Variants in GLRA2 observed in about 807,000 individuals in gnomAD.
The protein encoded by GLRA2 is glycine receptor subunit alpha-2.
Under a neutral mutation model 31.6 loss-of-function variants are expected in GLRA2, and 11 were observed. The observed-to-expected ratio is 0.35, with a 90% CI of 0.22 to 0.58. The LOEUF is 0.58. Ranked by LOEUF, GLRA2 falls within the 20% of genes least tolerant of loss-of-function variation. The pLI, the probability that GLRA2 is intolerant of heterozygous loss-of-function variation, is 0.84. For missense variants in GLRA2, 212 were observed against 351.8 expected (o/e 0.60, Z 3.18); for synonymous variants, 132 against 134.0 (o/e 0.99, Z 0.10).
At chrX:14,581,085 C>T (rs778446436) in intron 3 of GLRA2, 98 bp from the exon 4 acceptor site, 5 of 567,001 alleles carry the variant, frequency 8.8e-6, no homozygotes, top group Non-Finnish European at 1.5e-5. Flanking sequence ...ACTCGGACAC[C>T]AAAGCTGTAT....
chrX:14,544,190 A>G (rs936415252), intron 2 of GLRA2, among the ~76,000 whole-genome samples: 4 of 112,015 alleles, frequency 3.6e-5, no homozygotes, highest in Non-Finnish European at 5.7e-5. Flanking sequence ...TACATGAATA[A>G]ATAAACAAAC....
At chrX:14,466,450 C>G in the GLRA2 span, among the ~76,000 whole-genome samples, 970 of 111,745 alleles carry the variant, frequency 8.7e-3, 12 homozygotes, top group African/African-American at 0.03. Flanking sequence ...AAATTGGCCT[C>G]TGGAGACACC....
intron 7 of GLRA2, among the ~76,000 whole-genome samples, chrX:14,628,154 G>A (rs2090608420): frequency 9.0e-6 from 1 of 111,126 alleles, no homozygotes; most frequent in African/African-American, 3.3e-5. Context: ...GTTGGGCCAG[G>A]CATAATGGGG....
chrX:14,481,293 G>T, the GLRA2 span, among the ~76,000 whole-genome samples: 1 of 111,323 alleles, frequency 9.0e-6, no homozygotes, highest in East Asian at 2.8e-4. Flanking sequence ...TTCATCTACT[G>T]GTCTAATTAA....
chrX:14,619,221 A>G (rs1013042293), intron 7 of GLRA2, among the ~76,000 whole-genome samples: 105 of 110,426 alleles, frequency 9.5e-4, no homozygotes, highest in African/African-American at 3.3e-3. Context: ...TGCCTTCTAT[A>G]TTGTATTTTC....
intron 4 of GLRA2, among the ~76,000 whole-genome samples, chrX:14,586,471 T>C (rs1018775901): frequency 8.0e-5 from 9 of 112,398 alleles, no homozygotes; most frequent in Non-Finnish European, 1.5e-4. Flanking sequence ...AGTATACATT[T>C]TGATTTGTAA....
chrX:14,630,236 T>C (rs1001037920), intron 7 of GLRA2, among the ~76,000 whole-genome samples: 1 of 112,018 alleles, frequency 8.9e-6, no homozygotes, highest in Admixed American at 9.5e-5. Context: ...ATGGACCTTT[T>C]TTCCCCCTAA....
the GLRA2 span, among the ~76,000 whole-genome samples, chrX:14,470,259 A>G: frequency 8.9e-6 from 1 of 112,032 alleles, no homozygotes; most frequent in African/African-American, 3.2e-5. Flanking sequence ...TGAAATAGTA[A>G]TAGATGCAAG....
chrX:14,489,684 A>G, the GLRA2 span, among the ~76,000 whole-genome samples: 1 of 111,572 alleles, frequency 9.0e-6, no homozygotes, highest in Non-Finnish European at 1.9e-5. Context: ...TCTGCCAAGG[A>G]GCCCTTACCA....
intron 2 of GLRA2, among the ~76,000 whole-genome samples, chrX:14,557,235 C>T (rs2089660182): frequency 9.5e-6 from 1 of 104,737 alleles, no homozygotes; most frequent in Non-Finnish European, 1.9e-5. Context: ...CCTGCCTCAG[C>T]CTCCCGAGTA....
the GLRA2 span, among the ~76,000 whole-genome samples, chrX:14,462,865 C>A: frequency 1.8e-5 from 2 of 111,772 alleles, no homozygotes; most frequent in African/African-American, 6.5e-5. Flanking sequence ...CAAAGTCATT[C>A]TCTGTCCAGT....
intron 7 of GLRA2, among the ~76,000 whole-genome samples, chrX:14,664,477 C>T (rs1022394482): frequency 6.3e-5 from 7 of 111,470 alleles, no homozygotes; most frequent in South Asian, 3.7e-4. Context: ...CAGAAAATAC[C>T]GGTTAGATTT....
At chrX:14,698,656 C>T (rs1407697731) in intron 8 of GLRA2, among the ~76,000 whole-genome samples, 4 of 76,504 alleles carry the variant, frequency 5.2e-5, no homozygotes, top group Admixed American at 4.1e-4. Flanking sequence ...CCAGCCTGGG[C>T]GACAGAGTGA....
At chrX:14,680,498 A>G (rs758779359) in intron 7 of GLRA2, among the ~76,000 whole-genome samples, 11 of 112,370 alleles carry the variant, frequency 9.8e-5, no homozygotes, top group African/African-American at 3.6e-4. Flanking sequence ...AAGCCCAAGA[A>G]TCATAAAAAT....
At chrX:14,528,556 A>G (rs1348866525), upstream of GLRA2, among the ~76,000 whole-genome samples, 2 of 111,529 alleles carry the variant, frequency 1.8e-5, no homozygotes, top group African/African-American at 6.5e-5. Context: ...CCTCTTTTTT[A>G]TTAATAATAA....
chrX:14,550,123 C>T (rs2147024714), intron 2 of GLRA2, among the ~76,000 whole-genome samples: 1 of 110,251 alleles, frequency 9.1e-6, no homozygotes, highest in South Asian at 4.0e-4. Flanking sequence ...GATACAAAAG[C>T]CCATACTGAG....
At chrX:14,570,181 G>A (rs2089864445) in intron 2 of GLRA2, among the ~76,000 whole-genome samples, 1 of 111,726 alleles carries the variant, frequency 9.0e-6, no homozygotes, top group Non-Finnish European at 1.9e-5. Flanking sequence ...GGTAATGGTT[G>A]CACAATATTG....
the GLRA2 span, among the ~76,000 whole-genome samples, chrX:14,511,957 A>G: frequency 1.8e-5 from 2 of 111,595 alleles, no homozygotes; most frequent in Admixed American, 9.5e-5. Flanking sequence ...ACTTTAATAT[A>G]TATCTTCTGA....
chrX:14,567,033 A>G, intron 2 of GLRA2, among the ~76,000 whole-genome samples: 1 of 111,387 alleles, frequency 9.0e-6, no homozygotes, highest in Middle Eastern at 4.7e-3. Context: ...TGTTCTTGCA[A>G]TCTGACCCCT....
Sources: gnomAD v4.1 joint callset for allele counts (sites outside exome capture counted in the v4.1 genomes callset) on GRCh38, gnomAD v4.1.1 for gene constraint, MANE v1.5 for transcripts, NCBI Gene and HGNC (gene_info 2026-07-23, HGNC 2026-07-21) for gene names.